FNBP1: variants seen among roughly 807,000 people sequenced by gnomAD.
The protein encoded by FNBP1 is formin binding protein 1.
Under a neutral mutation model 90.6 loss-of-function variants are expected in FNBP1, and 26 were observed. The ratio of observed to expected loss-of-function variants is 0.29; its 90% CI spans 0.21 to 0.40. The LOEUF (loss-of-function observed/expected upper bound fraction) is 0.40, where lower values mean the gene tolerates loss of function less well. FNBP1 is among the 10% of genes least tolerant of loss of function. FNBP1 has a pLI of 1.00. For synonymous variants in FNBP1, 260 were observed against 265.2 expected (o/e 0.98, Z 0.19); for missense variants, 635 against 768.0 (o/e 0.83, Z 2.05).
At chr9:130,004,258 A>G (rs1466072668) in intron 1 of FNBP1, among the ~76,000 whole-genome samples, 1 of 150,604 alleles carries the variant, frequency 6.6e-6, no homozygotes, top group Non-Finnish European at 1.5e-5. Flanking sequence ...GCAAGACTCC[A>G]TCTCGAAAAA....
intron 4 of FNBP1, among the ~76,000 whole-genome samples, chr9:129,972,104 T>A (rs1373709645): frequency 1.3e-5 from 2 of 152,180 alleles, no homozygotes; most frequent in African/African-American, 4.8e-5. Flanking sequence ...GCTTCTTGTT[T>A]CCTATGCCAT....
intron 10 of FNBP1, chr9:129,918,967 C>T (rs753060960): frequency 7.2e-5 from 14 of 193,614 alleles, no homozygotes; most frequent in Non-Finnish European, 1.2e-4. Flanking sequence ...GATAAAGTTC[C>T]GTATGGTTGA....
At chr9:129,950,094 G>A (rs920208677) in intron 6 of FNBP1, among the ~76,000 whole-genome samples, 2 of 152,186 alleles carry the variant, frequency 1.3e-5, no homozygotes, top group Non-Finnish European at 2.9e-5. Context: ...CATAATGGGA[G>A]ATGACATTAA....
intron 4 of FNBP1, among the ~76,000 whole-genome samples, chr9:129,967,871 G>T (rs1162492272): frequency 1.3e-5 from 2 of 152,010 alleles, no homozygotes; most frequent in Non-Finnish European, 2.9e-5. Flanking sequence ...AATTTAAAAA[G>T]AAATTTTTTT....
intron 6 of FNBP1, among the ~76,000 whole-genome samples, chr9:129,945,674 T>C (rs781057979): frequency 4.8e-4 from 73 of 152,224 alleles, no homozygotes; most frequent in Non-Finnish European, 8.2e-4. Context: ...CTCCATCCTG[T>C]TGGCTTCACA....
chr9:130,027,186 G>GA (rs2058426367), intron 1 of FNBP1, among the ~76,000 whole-genome samples: 1 of 152,050 alleles, frequency 6.6e-6, no homozygotes, highest in Non-Finnish European at 1.5e-5. Flanking sequence ...GAGATTTTAT[G>GA]AAAAATGACA....
intron 2 of FNBP1, among the ~76,000 whole-genome samples, chr9:129,981,966 G>T (rs542959216): frequency 5.5e-4 from 83 of 152,278 alleles, no homozygotes; most frequent in African/African-American, 2.0e-3. Context: ...TATCAACTAT[G>T]ACATGCTTTC....
In FNBP1 at chr9:129,890,872, C is replaced by T. The variant is rs1003774719; in HGVS notation, c.1847-326G>A. The stretch of plus-strand genomic sequence containing the variant: ...TTGAGAGAAAGTAAGAAACGGAGGC[C>T]GGGGCTGGGCGCCGTGGCTCATGCC... On this transcript the variant is annotated intron_variant, in intron 16 of 16. Transcript: ENST00000446176. This position sits in a 1 kb window ranked among gnomAD's most constrained non-coding sequence, Gnocchi z 5.8. 6.6e-6 allele frequency among the ~76,000 whole-genome samples: 1 copy of T among 152,098 alleles called. No homozygotes were observed. The highest frequency in any genetic ancestry group is 2.4e-5 in the African/African-American group (1 of 41,416).
chr9:129,987,253 G>T (rs2052421974), intron 2 of FNBP1, among the ~76,000 whole-genome samples: 1 of 152,014 alleles, frequency 6.6e-6, no homozygotes, highest in South Asian at 2.1e-4. Flanking sequence ...ACGAGGGGGA[G>T]AATATTCTTC....
rs570212584 is a variant in FNBP1 at position 129,979,804 on chromosome 9, T to A, written c.141-430A>T. Among the ~76,000 whole-genome samples the A allele has an allele frequency of 3.3e-5, 5 of 152,112 alleles. No homozygotes were observed. The South Asian group carries it at 1.0e-3, about 32-fold the overall frequency. ...ACAGGTGCACGCCACCACATCTGGC[T>A]AATTTTTTTTGTATTTTTAGTAGAG... is the stretch of plus-strand genomic sequence containing the variant. On this transcript the variant is annotated intron_variant, in intron 2 of 16. Transcript: ENST00000446176.
chr9:130,023,762 C>T (rs1284393584), intron 1 of FNBP1, among the ~76,000 whole-genome samples: 4 of 152,076 alleles, frequency 2.6e-5, no homozygotes, highest in Admixed American at 2.0e-4. Flanking sequence ...AAACGTCATC[C>T]TTTTATCGTG....
intron 6 of FNBP1, among the ~76,000 whole-genome samples, chr9:129,943,313 A>C (rs1478511317): frequency 1.3e-5 from 2 of 150,290 alleles, no homozygotes; most frequent in African/African-American, 4.9e-5. Flanking sequence ...TATATGATGG[A>C]CCTCATTGAT....
At chr9:129,933,363 C>G (rs959031397) in intron 6 of FNBP1, among the ~76,000 whole-genome samples, 10 of 152,156 alleles carry the variant, frequency 6.6e-5, no homozygotes, top group African/African-American at 2.4e-4. Flanking sequence ...AGAGGTACCC[C>G]ACCCAGCACC....
At chr9:129,924,516 C>A (rs1037822973) in intron 9 of FNBP1, among the ~76,000 whole-genome samples, 1 of 152,148 alleles carries the variant, frequency 6.6e-6, no homozygotes, top group African/African-American at 2.4e-5. Flanking sequence ...ACCTATGTAT[C>A]GCACTATGAA....
chr9:129,954,196 T>A (rs2046591256), intron 6 of FNBP1, among the ~76,000 whole-genome samples: 1 of 152,112 alleles, frequency 6.6e-6, no homozygotes. Flanking sequence ...AAATTTATGA[T>A]GAAATGGATA....
chr9:130,053,853 C>A, the FNBP1 span: 1 of 1,384,914 alleles, frequency 7.2e-7, no homozygotes, highest in South Asian at 1.3e-5. Flanking sequence ...GAGCCCCGCT[C>A]CCCGGGCCCT....
At chr9:129,905,879 C>CT (rs35439760) in intron 12 of FNBP1, among the ~76,000 whole-genome samples, 80,513 of 145,228 alleles carry the variant, frequency 0.55, 22,133 homozygotes, top group East Asian at 0.77. Flanking sequence ...AGGCATATTT[C>CT]TTTTTTTTTT....
intron 1 of FNBP1, among the ~76,000 whole-genome samples, chr9:130,001,028 A>C (rs1158284548): frequency 6.6e-6 from 1 of 152,158 alleles, no homozygotes; most frequent in African/African-American, 2.4e-5. Flanking sequence ...GTAAAACTGA[A>C]ATTTTTTAAA....
chr9:129,949,759 AAAAATGTGGTTTC>A (rs1397340058), intron 6 of FNBP1, among the ~76,000 whole-genome samples: 1 of 152,170 alleles, frequency 6.6e-6, no homozygotes, highest in East Asian at 1.9e-4. Flanking sequence ...CAGTGCTAAT[AAAAATGTGGTTTC>A]AAAATGTGGT....
Sources: gnomAD v4.1 joint callset for allele counts (sites outside exome capture counted in the v4.1 genomes callset) on GRCh38, gnomAD v4.1.1 for gene constraint, Gnocchi (gnomAD v3.1) non-coding constraint, MANE v1.5 for transcripts, NCBI Gene and HGNC (gene_info 2026-07-23, HGNC 2026-07-21) for gene names.